DNAH17: variants seen among roughly 807,000 people sequenced by gnomAD.
The protein encoded by DNAH17 is axonemal beta dynein heavy chain 17.
In DNAH17, 376 loss-of-function variants were observed where a neutral mutation model predicts 485.6. The observed-to-expected ratio is 0.77, with a 90% CI of 0.71 to 0.84. The LOEUF is 0.84. DNAH17 is among the 40% of genes least tolerant of loss of function. DNAH17 has a pLI of 0.00. For synonymous variants in DNAH17, 3,031 were observed against 2,405.9 expected (o/e 1.26, Z -7.60); for missense variants, 6,370 against 5,839.3 (o/e 1.09, Z -2.96).
intron 16 of DNAH17, among the ~76,000 whole-genome samples, chr17:78,545,500 G>A (rs1598696911): frequency 2.0e-5 from 3 of 152,226 alleles, no homozygotes; most frequent in South Asian, 2.1e-4. Context: ...TTCTTGTTGT[G>A]ACCTCACATG....
chr17:78,548,821 G>C (rs2091836187), intron 16 of DNAH17, among the ~76,000 whole-genome samples: 1 of 152,208 alleles, frequency 6.6e-6, no homozygotes, highest in African/African-American at 2.4e-5. Context: ...GTCTGTTTTT[G>C]CTAGTTTTGA....
rs916546476 is a variant in DNAH17, at chr17:78,479,398, A to G, written c.7900+87T>C. ...ATTGATTTAGAATTATAAATAAAATATTTATCAAGGGAAAATGTGAAGAAC... is the reference window on the plus strand; with the variant it reads ...ATTGATTTAGAATTATAAATAAAATGTTTATCAAGGGAAAATGTGAAGAAC... On this transcript the variant is annotated intron_variant, in intron 50 of 80. Coordinates refer to ENST00000389840, the MANE Select transcript of DNAH17 (RefSeq NM_173628.4). 9.2e-6 allele frequency: 13 copies of G among 1,406,816 alleles called. No individual in the cohort carries two copies. The East Asian group carries it at 1.3e-4, about 14-fold the overall frequency. 87.1% of individuals were successfully genotyped at this position (1,406,816 alleles called of 1,614,324 possible).
intron 9 of DNAH17, among the ~76,000 whole-genome samples, chr17:78,568,412 T>C (rs1158244584): frequency 6.6e-6 from 1 of 152,178 alleles, no homozygotes; most frequent in Non-Finnish European, 1.5e-5. Flanking sequence ...CTTAAGTCAA[T>C]GCTTTACAGT....
At chr17:78,537,227 G>A in intron 19 of DNAH17, 72 bp downstream of exon 19, 2 of 1,455,358 alleles carry the variant, frequency 1.4e-6, no homozygotes, top group Non-Finnish European at 9.3e-7. Flanking sequence ...GCCTTGCCGA[G>A]TTAGGGCGGC....
intron 55 of DNAH17, 75 bp from the exon 56 acceptor site, chr17:78,466,891 G>A (rs1316813648): frequency 7.1e-7 from 1 of 1,410,998 alleles, no homozygotes; most frequent in Non-Finnish European, 9.4e-7. Flanking sequence ...TCTGCAGAAA[G>A]CTCTGCCAGA....
chr17:78,491,511 T>A lies in DNAH17; in HGVS notation c.6601A>T (p.Ile2201Phe). The A allele has an allele frequency of 1.2e-6, 2 of 1,613,886 alleles. No homozygotes were observed. Among genetic ancestry groups the A allele is most frequent in the Non-Finnish European group, 1.7e-6 (2 of 1,179,924 alleles). The stretch of plus-strand genomic sequence containing the variant: ...GGGTCTATGTCTCCGTCAAGGATGA[T>A]CCACTTGGGGCCGTCATGGGTGATG... ...ANITHDGPKW[I>F]ILDGDIDPMW... Residue 2201 changes from isoleucine (I) to phenylalanine (F), a missense_variant, in exon 43 of 81, where the codon ATC (isoleucine) becomes TTC (phenylalanine). Physicochemically the swap from Ile to Phe is conservative, Grantham distance 21. Transcript: ENST00000389840.
Position 78,450,388 on chromosome 17 carries a change from C to T in DNAH17, c.10906G>A (p.Glu3636Lys). 1.9e-6 allele frequency: 3 copies of T among 1,613,892 alleles called. No homozygotes were observed. Among genetic ancestry groups the T allele is most frequent in the African/African-American group, 1.3e-5 (1 of 75,068 alleles). ...ATTTTAACTTCTGTGATTTTTGCCT[C>T]CACCACCTCGACACAAACAAAAGGG... Reference protein sequence around the residue: ...TASEIEEKVVEAKITEVKINE... With the variant: ...TASEIEEKVVKAKITEVKINE... The change falls in exon 68 of 81, where the codon GAG becomes AAG. Residue 3636 changes from glutamate (E) to lysine (K), a missense_variant. Glu to Lys is a moderately conservative substitution (Grantham distance 56, BLOSUM62 1). Coordinates refer to ENST00000389840, the MANE Select transcript of DNAH17 (RefSeq NM_173628.4).
At chr17:78,561,640 G>A in intron 12 of DNAH17, 75 bp downstream of exon 12, 5 of 1,487,816 alleles carry the variant, frequency 3.4e-6, no homozygotes, top group South Asian at 1.4e-5. Context: ...GTCCCGCTCG[G>A]GGTTGGGACA....
At chr17:78,531,585 G>A (rs777151611) in intron 20 of DNAH17, among the ~76,000 whole-genome samples, 12 of 152,038 alleles carry the variant, frequency 7.9e-5, no homozygotes, top group East Asian at 3.9e-4. Flanking sequence ...CGATCCAACC[G>A]CCTCGGCCTC....
chr17:78,552,914 G>A lies in DNAH17; in HGVS notation c.2179-109C>T, dbSNP rs993438672. The A allele has an allele frequency of 7.9e-5, 60 of 763,532 alleles. No individual in the cohort carries two copies. In the African/African-American group the frequency reaches 8.7e-4, roughly 11 times the overall value. The allele number at this position is 763,532 out of a possible 1,614,324, so 47.3% of individuals were successfully genotyped here. On this transcript the variant is annotated intron_variant, in intron 14 of 80. Transcript: ENST00000389840. ...ACCAACTAATACGGTTTGGATCTGT[G>A]TCCCCACTCAGGTCTCATGTTGAAT...
chr17:78,484,739 A>ACCCCCCCGGCCCCCCCCCCCCCCCC, intron 48 of DNAH17, 129 bp downstream of exon 48: 1 of 347,798 alleles, frequency 2.9e-6, no homozygotes, highest in Non-Finnish European at 4.6e-6. Flanking sequence ...ACGTTGCAGC[A>ACCCCCCCGGCCCCCCCCCCCCCCCC]CCCCCCCCAC....
chr17:78,531,584 C>T (rs57247787), intron 20 of DNAH17, among the ~76,000 whole-genome samples: 4,140 of 152,118 alleles, frequency 0.027, 174 homozygotes, highest in African/African-American at 0.091. Context: ...ACGATCCAAC[C>T]GCCTCGGCCT....
In DNAH17 at chr17:78,561,706, G is replaced by A. The variant is rs978288194; in HGVS notation, c.1835+9C>T. The A allele has an allele frequency of 1.3e-6, 2 of 1,596,758 alleles. No homozygotes were observed. Among genetic ancestry groups the A allele is most frequent in the African/African-American group, 1.3e-5 (1 of 74,696 alleles). ...GGGGTGCCTGCCCCTGCCCAGGGCT[G>A]TGACTCACGGGTGTTCGACGTGCTT... On this transcript the variant is annotated intron_variant, in intron 12 of 80. Transcript: ENST00000389840.
Position 78,502,902 on chromosome 17 carries a change from A to T in DNAH17, c.5066T>A (p.Leu1689Gln), listed in dbSNP as rs1195675846. The T allele has an allele frequency of 6.2e-7, 1 of 1,613,794 alleles. No individual in the cohort carries two copies. The highest frequency in any genetic ancestry group is 8.5e-7 in the Non-Finnish European group (1 of 1,179,930). Reference sequence around the variant, plus strand: ...GCCTCAGACCTGGGCTGGGTAGTCCAGGATCCACTGCTCCCTCGGCTTCTC... The same window carrying T: ...GCCTCAGACCTGGGCTGGGTAGTCCTGGATCCACTGCTCCCTCGGCTTCTC... Reference protein sequence around the residue: ...YEEKPREQWILDYPAQVALTC... With the variant: ...YEEKPREQWIQDYPAQVALTC... Residue 1689 changes from leucine (L) to glutamine (Q), a missense_variant, in exon 32 of 81, where the codon CTG becomes CAG. Transcript: ENST00000389840.
intron 14 of DNAH17, among the ~76,000 whole-genome samples, chr17:78,557,082 G>A (rs563425673): frequency 7.9e-5 from 12 of 152,138 alleles, no homozygotes; most frequent in East Asian, 1.9e-4. Flanking sequence ...TGATTACTGC[G>A]TCAGGTCCCT....
rs577641893 is a variant in DNAH17, at chr17:78,486,374, C to T, written c.6951G>A (p.Pro2317=). Residue 2317 remains proline, a synonymous_variant, in exon 45 of 81, where the codon CCG becomes CCA. Transcript: ENST00000389840. Reference sequence around the variant, plus strand: ...GAATCGTTTGGATCACCGTGATCTCCGGCACTGGCGTGATCTTCTTGAACC... The same window carrying T: ...GAATCGTTTGGATCACCGTGATCTCTGGCACTGGCGTGATCTTCTTGAACC... The part of the protein sequence containing the change: ...RFGFKKITPV[P]EITVIQTILY... The T allele has an allele frequency of 2.4e-5, 38 of 1,613,860 alleles. No individual in the cohort carries two copies. The highest frequency in any genetic ancestry group is 5.5e-5 in the South Asian group (5 of 91,080).
intron 18 of DNAH17, among the ~76,000 whole-genome samples, chr17:78,538,389 C>T (rs1355342192): frequency 1.3e-5 from 2 of 152,250 alleles, no homozygotes. Context: ...GCCAAACTAA[C>T]GATTCTCAAA....
intron 26 of DNAH17, among the ~76,000 whole-genome samples, chr17:78,512,532 G>A (rs35428257): frequency 0.16 from 24,439 of 152,068 alleles, 2,169 homozygotes; most frequent in East Asian, 0.28. Flanking sequence ...TGAGCTGAAG[G>A]CACTTGAGAA....
At chr17:78,448,688 G>T (rs2087418817) in intron 69 of DNAH17, among the ~76,000 whole-genome samples, 1 of 152,226 alleles carries the variant, frequency 6.6e-6, no homozygotes, top group African/African-American at 2.4e-5. Flanking sequence ...GGGAGGTGGG[G>T]TCTGAGAGGC....
Sources: allele counts gnomAD v4.1 joint callset (sites outside exome capture counted in the v4.1 genomes callset), GRCh38; gene constraint gnomAD v4.1.1; transcripts MANE v1.5; gene names NCBI Gene and HGNC (gene_info 2026-07-23, HGNC 2026-07-21).